Variants in SV2C observed in about 807,000 individuals in gnomAD.
SV2C encodes synaptic vesicle glycoprotein 2C, also known as solute carrier family 22 member B3.
SV2C carries 49 observed loss-of-function variants against 79.7 expected under a neutral mutation model. That is an observed-to-expected ratio of 0.61 (90% CI 0.49 to 0.78). SV2C has a LOEUF of 0.78. SV2C is among the 30% of genes least tolerant of loss of function. SV2C has a pLI of 0.00. For synonymous variants in SV2C, 334 were observed against 333.2 expected (o/e 1.00, Z -0.03); for missense variants, 833 against 912.9 (o/e 0.91, Z 1.13).
At chr5:76,007,741 C>T in the SV2C span, among the ~76,000 whole-genome samples, 1 of 152,128 alleles carries the variant, frequency 6.6e-6, no homozygotes, top group Non-Finnish European at 1.5e-5. Flanking sequence ...CTGCTCTCAT[C>T]GAGCCTGTAT....
chr5:76,256,382 G>A (rs925118607), intron 4 of SV2C, among the ~76,000 whole-genome samples: 2 of 152,152 alleles, frequency 1.3e-5, no homozygotes, highest in African/African-American at 2.4e-5. Flanking sequence ...ATCCACTCAC[G>A]CATGCAAGTG....
At chr5:76,283,305 G>C (rs1442274634) in intron 4 of SV2C, among the ~76,000 whole-genome samples, 1 of 152,162 alleles carries the variant, frequency 6.6e-6, no homozygotes, top group South Asian at 2.1e-4. Flanking sequence ...GACAGAGCGA[G>C]ACTCCATCTC....
chr5:76,127,721 G>A (rs566186746), intron 1 of SV2C, among the ~76,000 whole-genome samples: 1 of 152,228 alleles, frequency 6.6e-6, no homozygotes, highest in Admixed American at 6.5e-5. Flanking sequence ...TTGCCTTTTG[G>A]TGCGGAGAAC....
intron 12 of SV2C, among the ~76,000 whole-genome samples, chr5:76,341,881 C>T (rs1423800525): frequency 6.6e-6 from 1 of 152,156 alleles, no homozygotes; most frequent in African/African-American, 2.4e-5. Flanking sequence ...GGGGTGGAAC[C>T]TTGGCATTGC....
At chr5:76,117,373 A>C (rs1748302036) in intron 1 of SV2C, among the ~76,000 whole-genome samples, 1 of 152,258 alleles carries the variant, frequency 6.6e-6, no homozygotes, top group Admixed American at 6.5e-5. Flanking sequence ...AGCTTGAATA[A>C]TAGATGTCTT....
chr5:76,068,847 C>T, the SV2C span, among the ~76,000 whole-genome samples: 1 of 151,946 alleles, frequency 6.6e-6, no homozygotes, highest in Non-Finnish European at 1.5e-5. Context: ...GGATACACAG[C>T]CCGACCTAGA....
At chr5:76,052,873 A>T in the SV2C span, among the ~76,000 whole-genome samples, 23 of 151,342 alleles carry the variant, frequency 1.5e-4, no homozygotes, top group East Asian at 4.4e-3. Flanking sequence ...TGGAGGGTTT[A>T]TAAGTTATAT....
Position 76,133,705 on chromosome 5 carries a change from C to T in SV2C, c.580+1375C>T, listed in dbSNP as rs74697706. Among the ~76,000 whole-genome samples the T allele has an allele frequency of 5.0e-3, 761 of 152,312 alleles. 1 individual carries two copies. Among genetic ancestry groups the T allele is most frequent in the Non-Finnish European group, 9.1e-3 (620 of 68,016 alleles). ...CCACTATCAAATGCAGACATCACCA[C>T]GCTTCAGAGGAGGGTCCTTGGTCAT... is the stretch of plus-strand genomic sequence containing the variant. On this transcript the variant is annotated intron_variant, in intron 2 of 12. Transcript: ENST00000502798.
At chr5:76,092,853 C>T (rs1052696408) in intron 1 of SV2C, among the ~76,000 whole-genome samples, 2 of 152,100 alleles carry the variant, frequency 1.3e-5, no homozygotes, top group Non-Finnish European at 2.9e-5. Flanking sequence ...CTTTTCATGA[C>T]ACTCCACAGC....
chr5:76,204,168 A>G (rs756912203), intron 3 of SV2C, among the ~76,000 whole-genome samples: 4 of 152,128 alleles, frequency 2.6e-5, no homozygotes, highest in Non-Finnish European at 5.9e-5. Context: ...CTAATCCCTT[A>G]TTTCTGGGTC....
Position 76,291,322 on chromosome 5 carries a change from G to A in SV2C, c.1239G>A (p.Glu413=), listed in dbSNP as rs763371256. 3 of 1,604,974 alleles carry A rather than the reference G, an allele frequency of 1.9e-6. No homozygotes were observed. Among genetic ancestry groups the A allele is most frequent in the South Asian group, 1.1e-5 (1 of 90,000 alleles). ...GGTGTTTTGTTCGGATCCGCACCGA[G>A]CTGTACGGAGTAAGTAACAAGTCCC... The part of the protein sequence containing the change: ...YRRCFVRIRT[E]LYGIWLTFMR... Residue 413 remains glutamate, a synonymous_variant, in exon 7 of 13, where the codon GAG becomes GAA. Coordinates refer to ENST00000502798, the MANE Select transcript of SV2C (RefSeq NM_014979.4).
the SV2C span, among the ~76,000 whole-genome samples, chr5:75,980,700 A>G: frequency 6.6e-6 from 1 of 152,190 alleles, no homozygotes; most frequent in Admixed American, 6.5e-5. Flanking sequence ...TAGGTATTGA[A>G]GGAACATACC....
chr5:75,921,555 G>C, the SV2C span: 1 of 861,000 alleles, frequency 1.2e-6, no homozygotes, highest in African/African-American at 1.7e-5. Flanking sequence ...ATGGTCTTGG[G>C]GTTTGTGTCA....
intron 4 of SV2C, among the ~76,000 whole-genome samples, chr5:76,275,323 TA>T (rs1195502799): frequency 1.3e-5 from 2 of 151,904 alleles, no homozygotes; most frequent in South Asian, 2.1e-4. Context: ...CCATCTCTAC[TA>T]AAAATACAAA....
the SV2C span, among the ~76,000 whole-genome samples, chr5:76,069,147 A>G: frequency 3.3e-5 from 5 of 152,206 alleles, no homozygotes; most frequent in Non-Finnish European, 7.3e-5. Flanking sequence ...ATAAGAAATG[A>G]GCAGAAGAAG....
intron 1 of SV2C, among the ~76,000 whole-genome samples, chr5:76,098,178 A>T (rs1747628379): frequency 6.6e-6 from 1 of 152,134 alleles, no homozygotes. Context: ...AAATTCTGTT[A>T]TTCTTAGAGG....
chr5:75,871,532 A>G, the SV2C span, among the ~76,000 whole-genome samples: 92 of 152,304 alleles, frequency 6.0e-4, no homozygotes, highest in Non-Finnish European at 1.1e-3. Flanking sequence ...AATATAGGCC[A>G]GGTGCAGTGG....
At chr5:75,981,379 T>C in the SV2C span, among the ~76,000 whole-genome samples, 2 of 152,150 alleles carry the variant, frequency 1.3e-5, no homozygotes, top group Non-Finnish European at 2.9e-5. Context: ...TTAAAATTCA[T>C]ATGGAACCAA....
intron 4 of SV2C, among the ~76,000 whole-genome samples, chr5:76,280,243 C>T (rs1747142556): frequency 1.3e-5 from 2 of 151,492 alleles, no homozygotes; most frequent in Non-Finnish European, 2.9e-5. Context: ...GAGACACCAC[C>T]AGCATGTGTG....
Sources: allele counts gnomAD v4.1 joint callset (sites outside exome capture counted in the v4.1 genomes callset), GRCh38; gene constraint gnomAD v4.1.1; transcripts MANE v1.5; gene names NCBI Gene and HGNC (gene_info 2026-07-23, HGNC 2026-07-21).